KIF20B: variants seen among roughly 807,000 people sequenced by gnomAD.
KIF20B encodes kinesin-like protein KIF20B.
Under a neutral mutation model 232.5 loss-of-function variants are expected in KIF20B, and 188 were observed. That is an observed-to-expected ratio of 0.81 (90% CI 0.72 to 0.91). The LOEUF is 0.91. KIF20B is among the 40% of genes least tolerant of loss of function. The probability of loss-of-function intolerance (pLI) is 0.00; values close to 1 mark genes in which losing one functional copy is unlikely to be tolerated. For synonymous variants in KIF20B, 712 were observed against 683.0 expected (o/e 1.04, Z -0.66); for missense variants, 2,154 against 2,055.9 (o/e 1.05, Z -0.92).
chr10:89,710,724 A>T (rs1842820174), intron 5 of KIF20B, among the ~76,000 whole-genome samples: 1 of 152,202 alleles, frequency 6.6e-6, no homozygotes. Flanking sequence ...ACAAATCTTA[A>T]TATGGTTGCA....
intron 14 of KIF20B, 27 bp from the exon 15 acceptor site, chr10:89,724,993 T>A: frequency 6.2e-7 from 1 of 1,604,706 alleles, no homozygotes. Flanking sequence ...TTTCTGTTTC[T>A]TAATGGGATT....
At chr10:89,758,174 A>G (rs1401098698) in intron 26 of KIF20B, among the ~76,000 whole-genome samples, 2 of 151,948 alleles carry the variant, frequency 1.3e-5, no homozygotes, top group African/African-American at 4.8e-5. Context: ...TACTCTCTAG[A>G]TCTATTTGGA....
intron 32 of KIF20B, among the ~76,000 whole-genome samples, chr10:89,773,218 C>G (rs1420104069): frequency 6.6e-6 from 1 of 151,888 alleles, no homozygotes; most frequent in Admixed American, 6.6e-5. Flanking sequence ...CCACCTTTCC[C>G]CTAAGCCTTT....
chr10:89,759,550 T>C (rs1480310548), intron 27 of KIF20B, among the ~76,000 whole-genome samples: 1 of 152,118 alleles, frequency 6.6e-6, no homozygotes, highest in African/African-American at 2.4e-5. Flanking sequence ...GTAAGAGAGA[T>C]TACTTGCTTT....
chr10:89,724,338 C>A (rs545871925), intron 14 of KIF20B, among the ~76,000 whole-genome samples: 9 of 152,034 alleles, frequency 5.9e-5, no homozygotes, highest in Non-Finnish European at 1.2e-4. Flanking sequence ...ATCAGCCTGG[C>A]CAACATGGTG....
chr10:89,759,509 T>C (rs930086852), intron 27 of KIF20B, among the ~76,000 whole-genome samples: 3 of 152,084 alleles, frequency 2.0e-5, no homozygotes, highest in African/African-American at 7.2e-5. Flanking sequence ...GAAAAATATG[T>C]ATGTGTGTGT....
chr10:89,734,342 C>A (rs1841596542), intron 19 of KIF20B, among the ~76,000 whole-genome samples: 1 of 152,090 alleles, frequency 6.6e-6, no homozygotes, highest in Non-Finnish European at 1.5e-5. Context: ...ATCTGGGAGG[C>A]AAAGACTGCA....
intron 7 of KIF20B, among the ~76,000 whole-genome samples, chr10:89,714,639 T>A (rs558764852): frequency 1.6e-4 from 24 of 152,356 alleles, no homozygotes; most frequent in African/African-American, 4.8e-4. Flanking sequence ...GTATTAAATA[T>A]TACAGATATC....
chr10:89,732,892 T>C lies in KIF20B; in HGVS notation c.2392-11T>C, dbSNP rs760390104. The C allele has an allele frequency of 3.3e-6, 5 of 1,529,068 alleles. No homozygotes were observed. In the South Asian group the frequency reaches 3.9e-5, roughly 12 times the overall value. 94.7% of individuals were successfully genotyped at this position (1,529,068 alleles called of 1,614,324 possible). On this transcript the variant is annotated splice_polypyrimidine_tract_variant and intron_variant, in intron 18 of 32. Transcript: ENST00000371728. ...CTATATGTGAATTATTTTTAACTTA[T>C]TTTGCTTTAGGACAAGGCTGATACA...
chr10:89,710,375 G>A (rs895782570), intron 5 of KIF20B, among the ~76,000 whole-genome samples: 9 of 151,916 alleles, frequency 5.9e-5, no homozygotes, highest in Non-Finnish European at 8.8e-5. Context: ...GACTACAGGC[G>A]TGCGCCACCA....
rs2133106892 is a variant in KIF20B, at chr10:89,724,870, C to G, written c.1863-150C>G. ...CCTGAAGTGATCCACCCGCCTCCGC[C>G]TCCCAAATTGCTGGGATTACAGGCG... On this transcript the variant is annotated intron_variant, in intron 14 of 32. Transcript: ENST00000371728. 3 of 680,978 alleles carry G rather than the reference C, an allele frequency of 4.4e-6. No homozygotes were observed. In the East Asian group the frequency reaches 8.6e-5, roughly 20 times the overall value. 42.2% of individuals were successfully genotyped at this position (680,978 alleles called of 1,614,324 possible). A position where few individuals can be genotyped will look rare whatever the true frequency, so the allele number is the denominator to read the frequency against.
intron 23 of KIF20B, among the ~76,000 whole-genome samples, chr10:89,749,910 G>T (rs183329705): frequency 7.6e-4 from 115 of 152,226 alleles, no homozygotes; most frequent in African/African-American, 2.7e-3. Context: ...TGCAGCACTT[G>T]ATTGCTTGTT....
At position 89,774,140 on chromosome 10, in the gene KIF20B, T is replaced by C; in HGVS notation, c.*92T>C. 1 of 677,254 alleles carries C rather than the reference T, an allele frequency of 1.5e-6. No homozygotes were observed. The highest frequency in any genetic ancestry group is 3.0e-5 in the East Asian group (1 of 33,430). 42.0% of individuals were successfully genotyped at this position (677,254 alleles called of 1,614,324 possible). On this transcript the variant is annotated 3_prime_UTR_variant, in exon 33 of 33. Coordinates refer to ENST00000371728, the MANE Select transcript of KIF20B (RefSeq NM_001284259.2). The stretch of plus-strand genomic sequence containing the variant: ...TAAATATAAATGTATATATTATGCA[T>C]TAAATCACTCTGCATATAGATTGCT...
chr10:89,706,376 G>T (rs1447080902), intron 2 of KIF20B, among the ~76,000 whole-genome samples: 1 of 152,092 alleles, frequency 6.6e-6, no homozygotes, highest in Non-Finnish European at 1.5e-5. Context: ...CAGATTAATA[G>T]TGTCTTGATG....
intron 6 of KIF20B, among the ~76,000 whole-genome samples, chr10:89,711,789 T>C (rs932800650): frequency 5.3e-5 from 8 of 152,206 alleles, no homozygotes; most frequent in African/African-American, 1.9e-4. Context: ...GTGCGTTTTA[T>C]CTGTTATGTC....
intron 23 of KIF20B, among the ~76,000 whole-genome samples, chr10:89,746,317 T>C (rs1263473735): frequency 6.6e-6 from 1 of 152,164 alleles, no homozygotes; most frequent in African/African-American, 2.4e-5. Context: ...GGATCACACA[T>C]GGGCGTGTAG....
chr10:89,711,089 G>A lies in KIF20B; in HGVS notation c.619G>A (p.Glu207Lys). ...RSREYLRLSS[E>K]QEKEEIASKS... ...CAGAGAATACTTAAGGTTATCATCA[G>A]AACAAGAGAAAGAAGAAATTGCTAG... is the stretch of plus-strand genomic sequence containing the variant. The change falls in exon 6 of 33, where the codon GAA (glutamate) becomes AAA (lysine). Residue 207 changes from glutamate to lysine, a missense_variant. Transcript: ENST00000371728. The A allele has an allele frequency of 1.3e-6, 2 of 1,578,420 alleles. No individual in the cohort carries two copies. Among genetic ancestry groups the A allele is most frequent in the Non-Finnish European group, 8.6e-7 (1 of 1,161,242 alleles).
In KIF20B at chr10:89,709,373, C is replaced by A; in HGVS notation, c.263C>A (p.Thr88Asn). 1 of 1,613,330 alleles carries A rather than the reference C, an allele frequency of 6.2e-7. No homozygotes were observed. The highest frequency in any genetic ancestry group is 8.5e-7 in the Non-Finnish European group (1 of 1,179,580). Residue 88 changes from threonine (T) to asparagine (N), a missense_variant, in exon 4 of 33, where the codon ACT becomes AAT. Physicochemically the swap from Thr to Asn is moderately conservative, Grantham distance 65. Coordinates refer to ENST00000371728, the MANE Select transcript of KIF20B (RefSeq NM_001284259.2). ...TGTGTGCATATTCTGGATTCACAGA[C>A]TGTTGTGCTGAAAGAGCCTCAATGC... ...EGCVHILDSQTVVLKEPQCIL... is the reference protein window; with the variant it reads ...EGCVHILDSQNVVLKEPQCIL...
rs759604671 is a variant in KIF20B, at chr10:89,762,544, A to G, written c.4792-94A>G. 3.0e-5 allele frequency: 27 copies of G among 893,348 alleles called. No homozygotes were observed. In the African/African-American group the frequency reaches 3.9e-4, roughly 13 times the overall value. The allele number at this position is 893,348 out of a possible 1,614,324, so 55.3% of individuals were successfully genotyped here. A position where few individuals can be genotyped will look rare whatever the true frequency, so the allele number is the denominator to read the frequency against. ...GCACGCTTTTTGTCTTTCCCAATGC[A>G]TTGTCTTGGATAGGCATTTGAGAGA... On this transcript the variant is annotated intron_variant, in intron 28 of 32. Coordinates refer to ENST00000371728, the MANE Select transcript of KIF20B (RefSeq NM_001284259.2).
Sources: gnomAD v4.1 joint callset for allele counts (sites outside exome capture counted in the v4.1 genomes callset) on GRCh38, gnomAD v4.1.1 for gene constraint, MANE v1.5 for transcripts, NCBI Gene and HGNC (gene_info 2026-07-23, HGNC 2026-07-21) for gene names.